Variants in TMX2 observed in about 807,000 individuals in gnomAD.
The protein encoded by TMX2 is thioredoxin related transmembrane protein 2, also known as thioredoxin-related transmembrane protein 2.
Under a neutral mutation model 33.4 loss-of-function variants are expected in TMX2, and 20 were observed. The observed-to-expected ratio is 0.60, with a 90% CI of 0.42 to 0.87. The LOEUF is 0.87. TMX2 is among the 40% of genes least tolerant of loss of function. The pLI is 0.00. For synonymous variants in TMX2, 166 were observed against 140.7 expected (o/e 1.18, Z -1.27); for missense variants, 340 against 370.7 (o/e 0.92, Z 0.68).
Position 57,736,257 on chromosome 11 carries a change from CT to C in TMX2, c.190-1347del, listed in dbSNP as rs1429746807. Among the ~76,000 whole-genome samples, 3 of 151,782 alleles carry C rather than the reference CT, an allele frequency of 2.0e-5. No individual in the cohort carries two copies. The South Asian group carries it at 6.2e-4, about 32-fold the overall frequency. On this transcript the variant is annotated intron_variant, in intron 1 of 7. Transcript: ENST00000278422. ...ACATTCTACAACAGGGTTATCTAATCTTTTGGCTTCCCTGGGCCACATTGGA... is the reference window on the plus strand; with the variant it reads ...ACATTCTACAACAGGGTTATCTAATCTTTGGCTTCCCTGGGCCACATTGGA...
At chr11:57,717,752 A>AGGGGAGAG (rs1204007925) in intron 1 of TMX2, among the ~76,000 whole-genome samples, 1 of 125,432 alleles carries the variant, frequency 8.0e-6, no homozygotes, top group African/African-American at 3.2e-5. Context: ...GAGAGGGGAG[A>AGGGGAGAG]GGGAGAGGCA....
At chr11:57,722,793 G>A (rs1000033039) in intron 1 of TMX2, among the ~76,000 whole-genome samples, 1 of 152,140 alleles carries the variant, frequency 6.6e-6, no homozygotes, top group Non-Finnish European at 1.5e-5. Flanking sequence ...AGTTAAGATA[G>A]TAGAAACATA....
intron 1 of TMX2, among the ~76,000 whole-genome samples, chr11:57,717,716 A>AGAGGGAG (rs1947252469): frequency 7.7e-5 from 1 of 12,920 alleles, no homozygotes; most frequent in East Asian, 6.4e-3. Context: ...AGGGAGACCG[A>AGAGGGAG]GAGGGAGAGG....
chr11:57,719,725 C>T (rs1297493726), intron 1 of TMX2, among the ~76,000 whole-genome samples: 1 of 151,736 alleles, frequency 6.6e-6, no homozygotes. Context: ...CCATGTTGCA[C>T]AGGCTGATCT....
intron 1 of TMX2, among the ~76,000 whole-genome samples, chr11:57,731,433 C>CTTTT (rs140987390): frequency 1.3e-4 from 9 of 67,002 alleles, no homozygotes; most frequent in East Asian, 1.2e-3. Context: ...CGCACCCAGC[C>CTTTT]TTTTTTTTTT....
At chr11:57,718,245 G>T (rs1947311573) in intron 1 of TMX2, 1 of 1,502,204 alleles carries the variant, frequency 6.7e-7, no homozygotes, top group African/African-American at 1.4e-5. Flanking sequence ...CATGGACAAG[G>T]TGCCAGGACC....
chr11:57,716,508 AGGGGCGGCC>A (rs1947062276), intron 1 of TMX2, among the ~76,000 whole-genome samples: 3 of 107,788 alleles, frequency 2.8e-5, no homozygotes, highest in African/African-American at 3.7e-5. Flanking sequence ...ACTTCCCAGT[AGGGGCGGCC>A]GGGCAGAGGC....
chr11:57,720,712 A>G lies in TMX2; in HGVS notation c.189+7905A>G, dbSNP rs369046960. ...CGTGCCTGGCCTCAAACTAATTTTTATAAGTGTTTCTTTTTTTTCCTCTGA... is the reference window on the plus strand; with the variant it reads ...CGTGCCTGGCCTCAAACTAATTTTTGTAAGTGTTTCTTTTTTTTCCTCTGA... On this transcript the variant is annotated intron_variant, in intron 1 of 7. Transcript: ENST00000278422. Among the ~76,000 whole-genome samples the G allele has an allele frequency of 2.6e-4, 39 of 152,332 alleles. No individual in the cohort carries two copies. In the South Asian group the frequency reaches 7.7e-3, roughly 30 times the overall value.
intron 1 of TMX2, among the ~76,000 whole-genome samples, chr11:57,727,710 T>G (rs1948096864): frequency 6.6e-6 from 1 of 152,150 alleles, no homozygotes; most frequent in Non-Finnish European, 1.5e-5. Context: ...GAGAATCCCC[T>G]CTCCCCTTTG....
At chr11:57,726,048 G>A (rs1310233231) in intron 1 of TMX2, among the ~76,000 whole-genome samples, 1 of 152,166 alleles carries the variant, frequency 6.6e-6, no homozygotes, top group Non-Finnish European at 1.5e-5. Context: ...TGATGCTTAT[G>A]TTTTGTATAG....
chr11:57,739,518 GA>G (rs1440741419), intron 7 of TMX2, among the ~76,000 whole-genome samples: 1 of 152,188 alleles, frequency 6.6e-6, no homozygotes, highest in African/African-American at 2.4e-5. Flanking sequence ...AGCACTTTGG[GA>G]GGCCGAGGCT....
At chr11:57,728,893 A>G (rs1414798548) in intron 1 of TMX2, among the ~76,000 whole-genome samples, 1 of 152,086 alleles carries the variant, frequency 6.6e-6, no homozygotes, top group Admixed American at 6.6e-5. Context: ...TTAATCCCCA[A>G]AAACAATTAA....
chr11:57,718,605 C>A, intron 1 of TMX2: 3 of 470,362 alleles, frequency 6.4e-6, no homozygotes, highest in Non-Finnish European at 7.9e-6. Context: ...TTAGTTTTAT[C>A]TATATCATTG....
chr11:57,718,823 A>AT, intron 1 of TMX2, among the ~76,000 whole-genome samples: 1 of 142,734 alleles, frequency 7.0e-6, no homozygotes, highest in South Asian at 2.3e-4. Context: ...GTCTGGCTAA[A>AT]TTTTGTATTT....
At chr11:57,739,923 G>T (rs1246821604) in intron 7 of TMX2, among the ~76,000 whole-genome samples, 176 bp from the exon 8 acceptor site, 2 of 152,132 alleles carry the variant, frequency 1.3e-5, no homozygotes, top group Non-Finnish European at 2.9e-5. Context: ...CACATAATGG[G>T]TATTTAACTA....
intron 1 of TMX2, among the ~76,000 whole-genome samples, chr11:57,736,765 G>A (rs1948777081): frequency 6.6e-6 from 1 of 151,916 alleles, no homozygotes; most frequent in Non-Finnish European, 1.5e-5. Flanking sequence ...GTGTGCGCCT[G>A]TAGTCCCAGC....
intron 1 of TMX2, among the ~76,000 whole-genome samples, chr11:57,727,541 G>T (rs1392495975): frequency 6.6e-6 from 1 of 151,706 alleles, no homozygotes; most frequent in Non-Finnish European, 1.5e-5. Context: ...TCATCAGATG[G>T]GTTTTATTTA....
intron 1 of TMX2, among the ~76,000 whole-genome samples, chr11:57,732,795 C>G (rs1948478297): frequency 6.6e-6 from 1 of 152,046 alleles, no homozygotes; most frequent in Non-Finnish European, 1.5e-5. Context: ...AAATCATTGG[C>G]CATTGGTGAT....
Position 57,740,394 on chromosome 11 carries a change from A to G in TMX2, c.*149A>G, listed in dbSNP as rs954163151. 4.9e-6 allele frequency: 5 copies of G among 1,029,964 alleles called. No individual in the cohort carries two copies. The highest frequency in any genetic ancestry group is 6.7e-6 in the Non-Finnish European group (5 of 740,748). The allele number at this position is 1,029,964 out of a possible 1,614,324, so 63.8% of individuals were successfully genotyped here. On this transcript the variant is annotated 3_prime_UTR_variant, in exon 8 of 8. Coordinates refer to ENST00000278422, the MANE Select transcript of TMX2 (RefSeq NM_015959.4). ...AGCTTCTGATTTTAAAGAGGCATCT[A>G]GGGAATTGTCAGGCACCCTACAGGA... is the stretch of plus-strand genomic sequence containing the variant.
Sources: allele counts gnomAD v4.1 joint callset (sites outside exome capture counted in the v4.1 genomes callset), GRCh38; gene constraint gnomAD v4.1.1; transcripts MANE v1.5; gene names NCBI Gene and HGNC (gene_info 2026-07-23, HGNC 2026-07-21).